SMCO1: variants seen among roughly 807,000 people sequenced by gnomAD.
SMCO1 encodes the protein single-pass membrane and coiled-coil domain-containing protein 1.
Under a neutral mutation model 7.5 loss-of-function variants are expected in SMCO1, and 9 were observed. The ratio of observed to expected loss-of-function variants is 1.20; its 90% CI spans 0.72 to 2.09. SMCO1 has a LOEUF of 2.09. Among genes scored for constraint, SMCO1 ranks in the 30% most tolerant of loss-of-function variants. SMCO1 has a pLI of 0.00. For synonymous variants in SMCO1, 90 were observed against 93.8 expected (o/e 0.96, Z 0.23); for missense variants, 219 against 253.1 (o/e 0.87, Z 0.91).
At chr3:196,510,188 C>T (rs1733181542) in intron 1 of SMCO1, among the ~76,000 whole-genome samples, 1 of 152,066 alleles carries the variant, frequency 6.6e-6, no homozygotes, top group African/African-American at 2.4e-5. Context: ...GGCTGGTCTT[C>T]AACACCTGGG....
intron 2 of SMCO1, 109 bp from the exon 3 acceptor site, chr3:196,508,440 G>A (rs907130972): frequency 7.7e-6 from 6 of 780,910 alleles, no homozygotes; most frequent in Middle Eastern, 3.9e-4. Context: ...AGAACCAGCT[G>A]TTGTAATTTA....
chr3:196,514,910 T>G (rs1055518543), intron 1 of SMCO1, among the ~76,000 whole-genome samples: 2 of 152,088 alleles, frequency 1.3e-5, no homozygotes, highest in Non-Finnish European at 2.9e-5. Context: ...CCTGGGTAAT[T>G]TTTGTATTTT....
At chr3:196,516,030 T>TATATAA (rs1280151233), upstream of SMCO1, among the ~76,000 whole-genome samples, 7 of 113,358 alleles carry the variant, frequency 6.2e-5, no homozygotes, top group South Asian at 2.8e-4. Context: ...TATATATATA[T>TATATAA]AATTATATAT....
intron 1 of SMCO1, among the ~76,000 whole-genome samples, chr3:196,514,497 C>T (rs73891277): frequency 0.056 from 8,534 of 152,178 alleles, 777 homozygotes; most frequent in African/African-American, 0.19. Flanking sequence ...CCTTCATGTT[C>T]GCATAGACCT....
upstream of SMCO1, among the ~76,000 whole-genome samples, chr3:196,515,546 C>T (rs1733363567): frequency 6.6e-6 from 1 of 152,128 alleles, no homozygotes; most frequent in South Asian, 2.1e-4. Context: ...TATACAGATA[C>T]ATTAACGTAA....
chr3:196,514,111 C>A (rs1352533805), intron 1 of SMCO1, among the ~76,000 whole-genome samples: 4 of 152,196 alleles, frequency 2.6e-5, no homozygotes, highest in Admixed American at 1.3e-4. Flanking sequence ...ACACATTCTT[C>A]TAAAACACAA....
At chr3:196,516,640 G>C (rs1733394209), upstream of SMCO1, among the ~76,000 whole-genome samples, 1 of 152,154 alleles carries the variant, frequency 6.6e-6, no homozygotes, top group African/African-American at 2.4e-5. Flanking sequence ...ACGAATGGAT[G>C]AGCAGCACTA....
rs371593591 is a variant in SMCO1, at chr3:196,509,648, C to A, written c.72G>T (p.Ala24=). ...AMKRVDHKLQ[A]LETQFKELDF... is the part of the protein sequence containing the mutation. The stretch of plus-strand genomic sequence containing the variant: ...CTAGTTCTTTGAACTGTGTTTCTAA[C>A]GCTTGGAGTTTGTGGTCTACTCTGT... The change falls in exon 2 of 3, where the codon GCG becomes GCT. Residue 24 remains alanine (A), a synonymous_variant. Transcript: ENST00000397537. 5 of 1,613,966 alleles carry A rather than the reference C, an allele frequency of 3.1e-6. No homozygotes were observed. In the Middle Eastern group the frequency reaches 8.2e-4, roughly 266 times the overall value.
rs1430967342 is a variant in SMCO1 at position 196,507,072 on chromosome 3, AC to A, written c.*814del. On this transcript the variant is annotated 3_prime_UTR_variant, in exon 3 of 3. Transcript: ENST00000397537. Reference sequence around the variant, plus strand: ...AGAAATAGGCACGATAGTGTAGAGGACCAATCGCGGAAGGGTAGGTATGTAT... The same window carrying A: ...AGAAATAGGCACGATAGTGTAGAGGACAATCGCGGAAGGGTAGGTATGTAT... 2.6e-5 allele frequency: 4 copies of A among 152,166 alleles called. No individual in the cohort carries two copies. Among genetic ancestry groups the A allele is most frequent in the Non-Finnish European group, 5.9e-5 (4 of 68,046 alleles). The allele number at this position is 152,166 out of a possible 1,614,324, so 9.4% of individuals were successfully genotyped here. A position where few individuals can be genotyped will look rare whatever the true frequency, so the allele number is the denominator to read the frequency against.
chr3:196,515,163 T>C lies in SMCO1; in HGVS notation c.47A>G (p.Lys16Arg). ...CCTCCCTATAGCCCTCAGCAACCTT[T>C]TCATTGCCTCCTTCAAGGATATCAG... is the stretch of plus-strand genomic sequence containing the variant. ...TTLISLKEAM[K>R]RVDHKLQALE... The change falls in exon 1 of 3, where the codon AAA becomes AGA. Residue 16 changes from lysine to arginine, a missense_variant. Physicochemically the swap from Lys to Arg is conservative, Grantham distance 26. Coordinates refer to ENST00000397537, the MANE Select transcript of SMCO1 (RefSeq NM_001077657.3). 1 of 1,614,126 alleles carries C rather than the reference T, an allele frequency of 6.2e-7. No individual in the cohort carries two copies. Among genetic ancestry groups the C allele is most frequent in the Non-Finnish European group, 8.5e-7 (1 of 1,179,956 alleles).
chr3:196,509,782 T>C, intron 1 of SMCO1, 113 bp from the exon 2 acceptor site: 1 of 779,090 alleles, frequency 1.3e-6, no homozygotes, highest in Non-Finnish European at 1.8e-6. Context: ...TTGGATAACT[T>C]TTTTTTTTTT....
upstream of SMCO1, among the ~76,000 whole-genome samples, chr3:196,519,451 T>A (rs80076821): frequency 0.028 from 4,278 of 152,344 alleles, 113 homozygotes; most frequent in African/African-American, 0.067. Flanking sequence ...AGGAAAATTC[T>A]GCCCCAACAA....
At chr3:196,517,104 CAAAAAAAAAAAAAA>C (rs56104987), upstream of SMCO1, among the ~76,000 whole-genome samples, 2 of 35,738 alleles carry the variant, frequency 5.6e-5, no homozygotes, top group Non-Finnish European at 8.6e-5. Flanking sequence ...GACTCCATCG[CAAAAAAAAAAAAAA>C]AAAAAAAAAA....
chr3:196,514,337 A>G (rs1450871794), intron 1 of SMCO1, among the ~76,000 whole-genome samples: 2 of 148,958 alleles, frequency 1.3e-5, no homozygotes, highest in African/African-American at 4.9e-5. Context: ...AAGCTTACAT[A>G]TGGCTTATAT....
intron 1 of SMCO1, among the ~76,000 whole-genome samples, chr3:196,513,319 AC>A: frequency 1.4e-5 from 2 of 144,482 alleles, no homozygotes; most frequent in Admixed American, 1.4e-4. Flanking sequence ...ACACAGCAAG[AC>A]CCTGTGTCAA....
chr3:196,507,058 C>T lies in SMCO1; in HGVS notation c.*829G>A, dbSNP rs567038776. 6.6e-6 allele frequency: 1 copy of T among 152,136 alleles called. No individual in the cohort carries two copies. Among genetic ancestry groups the T allele is most frequent in the African/African-American group, 2.4e-5 (1 of 41,476 alleles). 9.4% of individuals were successfully genotyped at this position (152,136 alleles called of 1,614,324 possible). On this transcript the variant is annotated 3_prime_UTR_variant, in exon 3 of 3. Transcript: ENST00000397537. Reference sequence around the variant, plus strand: ...ACAAAGCACCATTCAGAAATAGGCACGATAGTGTAGAGGACCAATCGCGGA... The same window carrying T: ...ACAAAGCACCATTCAGAAATAGGCATGATAGTGTAGAGGACCAATCGCGGA...
chr3:196,516,030 T>TATATATAA (rs1280151233), upstream of SMCO1, among the ~76,000 whole-genome samples: 3 of 113,376 alleles, frequency 2.6e-5, no homozygotes, highest in South Asian at 5.5e-4. Flanking sequence ...TATATATATA[T>TATATATAA]AATTATATAT....
the SMCO1 span, among the ~76,000 whole-genome samples, chr3:196,520,569 C>G: frequency 0.49 from 73,956 of 152,038 alleles, 20,128 homozygotes; most frequent in African/African-American, 0.73. Context: ...TGCTATGAAG[C>G]TTCATGTTCC....
chr3:196,507,969 A>G lies in SMCO1; in HGVS notation c.563T>C (p.Val188Ala), dbSNP rs771876680. Residue 188 changes from valine (V) to alanine (A), a missense_variant, in exon 3 of 3, where the codon GTA (valine) becomes GCA (alanine). Val to Ala is a moderately conservative substitution (Grantham distance 64). Transcript: ENST00000397537. ...CCTAACTGCTTTCCCCTTCTCAATT[A>G]CCTGCACAGCCCTCAGCAAACTGTC... ...LQDSLLRAVQ[V>A]IEKGKAVRTP... 4 of 1,614,054 alleles carry G rather than the reference A, an allele frequency of 2.5e-6. No homozygotes were observed. The highest frequency in any genetic ancestry group is 3.4e-6 in the Non-Finnish European group (4 of 1,180,020).
Sources: gnomAD v4.1 joint callset for allele counts (sites outside exome capture counted in the v4.1 genomes callset) on GRCh38, gnomAD v4.1.1 for gene constraint, MANE v1.5 for transcripts, NCBI Gene and HGNC (gene_info 2026-07-23, HGNC 2026-07-21) for gene names.